RHPN1: variants seen among roughly 807,000 people sequenced by gnomAD.
The protein encoded by RHPN1 is rhophilin Rho GTPase binding protein 1, also known as rhophilin-1.
In RHPN1, 77 loss-of-function variants were observed where a neutral mutation model predicts 74.7. The observed-to-expected ratio is 1.03, with a 90% CI of 0.86 to 1.25. The LOEUF is 1.25. Among genes scored for constraint, RHPN1 ranks in the 50% most tolerant of loss-of-function variants. The pLI is 0.00. For synonymous variants in RHPN1, 444 were observed against 414.5 expected, an observed-to-expected ratio of 1.07 and a Z score of -0.87; for missense variants, 987 against 932.2, an observed-to-expected ratio of 1.06 and a Z score of -0.77.
intron 3 of RHPN1, among the ~76,000 whole-genome samples, chr8:143,376,894 G>A (rs1237947681): frequency 1.4e-4 from 6 of 44,320 alleles, no homozygotes; most frequent in Middle Eastern, 0.022. Context: ...GTGTGCATGC[G>A]TCTGTGTGCG....
upstream of RHPN1, among the ~76,000 whole-genome samples, chr8:143,364,273 CTTTT>C (rs1159467909): frequency 6.6e-6 from 1 of 152,224 alleles, no homozygotes; most frequent in Non-Finnish European, 1.5e-5. This position sits in a 1 kb window ranked among gnomAD's most constrained non-coding sequence, Gnocchi z 4.5. Context: ...ATATCCTTTT[CTTTT>C]TATTTGCCAG....
At chr8:143,377,162 A>G (rs369372558) in intron 3 of RHPN1, among the ~76,000 whole-genome samples, 1 of 151,060 alleles carries the variant, frequency 6.6e-6, no homozygotes, top group African/African-American at 2.4e-5. Flanking sequence ...GTGCGCGCGC[A>G]TGTGTGTGTC....
chr8:143,368,954 A>T lies in RHPN1; in HGVS notation c.-34A>T. The T allele has an allele frequency of 6.9e-7, 1 of 1,448,232 alleles. No individual in the cohort carries two copies. Among genetic ancestry groups the T allele is most frequent in the African/African-American group, 1.5e-5 (1 of 66,866 alleles). 89.7% of individuals were successfully genotyped at this position (1,448,232 alleles called of 1,614,324 possible). ...CGCTGCGCGAGCGGCGGGCTGGCTG[A>T]CCCCGAGGGACCCCCAGCGCAGCGG... is the stretch of plus-strand genomic sequence containing the variant. On this transcript the variant is annotated 5_prime_UTR_variant, in exon 1 of 15. Transcript: ENST00000289013.
chr8:143,378,665 G>T, intron 5 of RHPN1, 31 bp from the exon 6 acceptor site: 1 of 1,586,628 alleles, frequency 6.3e-7, no homozygotes, highest in South Asian at 1.1e-5. Flanking sequence ...GTGGGCCAGG[G>T]CGGTGGGGCC....
chr8:143,372,957 C>T (rs56331821), intron 1 of RHPN1, among the ~76,000 whole-genome samples: 24 of 56 alleles, frequency 0.43, 11 homozygotes, highest in East Asian at 1. Context: ...GGGGATGGCG[C>T]GGGTTCCAGG....
intron 4 of RHPN1, among the ~76,000 whole-genome samples, chr8:143,377,676 G>A (rs1362463813): frequency 6.6e-6 from 1 of 152,170 alleles, no homozygotes; most frequent in Non-Finnish European, 1.5e-5. Flanking sequence ...CCAGGCCGGG[G>A]CTGATCCCAT....
chr8:143,366,201 C>T (rs546286014), upstream of RHPN1, among the ~76,000 whole-genome samples: 81 of 152,120 alleles, frequency 5.3e-4, no homozygotes, highest in African/African-American at 1.9e-3. Flanking sequence ...CAATTATCAC[C>T]TCATCTGCAA....
upstream of RHPN1, chr8:143,368,663 C>T: frequency 4.8e-6 from 1 of 206,636 alleles, no homozygotes; most frequent in Non-Finnish European, 9.6e-6. Context: ...GCGTTCCGGC[C>T]GCGGTTGCCA....
At chr8:143,371,525 C>A (rs1018112155) in intron 1 of RHPN1, among the ~76,000 whole-genome samples, 27 of 152,120 alleles carry the variant, frequency 1.8e-4, no homozygotes, top group African/African-American at 6.5e-4. Flanking sequence ...TTTGCTGTTC[C>A]CAGACCTGGG....
chr8:143,379,351 C>G lies in RHPN1; in HGVS notation c.788C>G (p.Ala263Gly), dbSNP rs371582340. The change falls in exon 8 of 15, where the codon GCG (alanine) becomes GGG (glycine). Residue 263 changes from alanine (A) to glycine (G), a missense_variant. Transcript: ENST00000289013. ...FSLLRENFSHAPSPDMSAASL... is the reference protein window; with the variant it reads ...FSLLRENFSHGPSPDMSAASL... ...CTCCTGAGGGAGAACTTCTCCCATG[C>G]GCCGAGCCCAGACATGAGCGCTGCG... 6.2e-7 allele frequency: 1 copy of G among 1,601,954 alleles called. No individual in the cohort carries two copies. The highest frequency in any genetic ancestry group is 2.3e-5 in the East Asian group (1 of 44,426).
chr8:143,375,924 A>G (rs1233417760), intron 2 of RHPN1, among the ~76,000 whole-genome samples: 2 of 152,210 alleles, frequency 1.3e-5, no homozygotes, highest in Non-Finnish European at 2.9e-5. Context: ...GGAAGCCCCA[A>G]CAGTGCACGT....
chr8:143,366,533 GCA>G (rs1183889263), upstream of RHPN1: 12 of 139,042 alleles, frequency 8.6e-5, no homozygotes, highest in Admixed American at 1.4e-4. Flanking sequence ...ACACACACAC[GCA>G]CACACGCACA....
chr8:143,372,725 G>A (rs1817913740), intron 1 of RHPN1, among the ~76,000 whole-genome samples: 1 of 151,152 alleles, frequency 6.6e-6, no homozygotes, highest in Admixed American at 6.6e-5. Context: ...CGGCCTGGGT[G>A]TCCAGGGGAT....
At chr8:143,377,324 T>C (rs1818347399) in intron 3 of RHPN1, 56 bp from the exon 4 acceptor site, 1 of 1,448,534 alleles carries the variant, frequency 6.9e-7, no homozygotes, top group South Asian at 1.2e-5. Flanking sequence ...GACCCCGGGC[T>C]GCCGTGGGCA....
chr8:143,369,284 T>C (rs572133349), intron 1 of RHPN1, among the ~76,000 whole-genome samples: 33 of 152,298 alleles, frequency 2.2e-4, no homozygotes, highest in African/African-American at 5.8e-4. Flanking sequence ...TCCTCACCGC[T>C]GAAGCGGGTT....
chr8:143,380,620 G>A lies in RHPN1; in HGVS notation c.1248G>A (p.Gly416=). 1 of 1,546,160 alleles carries A rather than the reference G, an allele frequency of 6.5e-7. No individual in the cohort carries two copies. Among genetic ancestry groups the A allele is most frequent in the Non-Finnish European group, 8.7e-7 (1 of 1,144,776 alleles). ...CACACCTGAAGCGTGCCATCCTGGG[G>A]CAGGAGGAGGCGCTGCGGCTGCACG... ...GKAHLKRAIL[G]QEEALRLHAL... The change falls in exon 11 of 15, where the codon GGG becomes GGA. Residue 416 remains glycine (G), a synonymous_variant. Transcript: ENST00000289013.
rs771746073 is a variant in RHPN1 at position 143,375,629 on chromosome 8, A to G, written c.137A>G (p.Lys46Arg). The G allele has an allele frequency of 6.2e-7, 1 of 1,608,522 alleles. No homozygotes were observed. Among genetic ancestry groups the G allele is most frequent in the South Asian group, 1.1e-5 (1 of 90,408 alleles). Residue 46 changes from lysine (K) to arginine (R), a missense_variant, in exon 2 of 15, where the codon AAG becomes AGG. Coordinates refer to ENST00000289013, the MANE Select transcript of RHPN1 (RefSeq NM_052924.3). ...RRAQIHQQID[K>R]ELQMRTGAEN... Reference sequence around the variant, plus strand: ...GCCCAGATTCACCAGCAGATTGACAAGGAGCTGCAGATGCGGACGGGCGCT... The same window carrying G: ...GCCCAGATTCACCAGCAGATTGACAGGGAGCTGCAGATGCGGACGGGCGCT...
chr8:143,372,038 G>A (rs1817857853), intron 1 of RHPN1, among the ~76,000 whole-genome samples: 1 of 152,212 alleles, frequency 6.6e-6, no homozygotes, highest in South Asian at 2.1e-4. Context: ...TGCGGGTAGG[G>A]AGGCCGAGGA....
intron 3 of RHPN1, among the ~76,000 whole-genome samples, chr8:143,376,882 G>GTA (rs1213558366): frequency 5.5e-4 from 6 of 10,956 alleles, no homozygotes; most frequent in Non-Finnish European, 1.3e-3. Context: ...GTGTGTGCAT[G>GTA]TGTGTGCATG....
Sources: gnomAD v4.1 joint callset for allele counts (sites outside exome capture counted in the v4.1 genomes callset) on GRCh38, gnomAD v4.1.1 for gene constraint, Gnocchi (gnomAD v3.1) non-coding constraint, MANE v1.5 for transcripts, NCBI Gene and HGNC (gene_info 2026-07-23, HGNC 2026-07-21) for gene names.